Variants in KIAA1958 observed in about 807,000 individuals in gnomAD.
KIAA1958 encodes the protein KIAA1958.
Under a neutral mutation model 47.2 loss-of-function variants are expected in KIAA1958, and 14 were observed. The observed-to-expected ratio is 0.30, with a 90% CI of 0.20 to 0.46. KIAA1958 has a LOEUF of 0.46. Among genes scored for constraint, KIAA1958 ranks in the 20% least tolerant of loss-of-function variants. KIAA1958 has a pLI of 1.00. For synonymous variants in KIAA1958, 354 were observed against 353.3 expected, an observed-to-expected ratio of 1.00 and a Z score of -0.02; for missense variants, 803 against 909.2, an observed-to-expected ratio of 0.88 and a Z score of 1.50.
intron 1 of KIAA1958, among the ~76,000 whole-genome samples, chr9:112,488,815 G>A (rs926133323): frequency 6.6e-6 from 1 of 152,224 alleles, no homozygotes; most frequent in East Asian, 1.9e-4. Context: ...AAAAAGTTTA[G>A]TATGCTTAAA....
intron 1 of KIAA1958, among the ~76,000 whole-genome samples, chr9:112,572,484 T>C (rs1443229826): frequency 6.6e-6 from 1 of 152,208 alleles, no homozygotes; most frequent in African/African-American, 2.4e-5. Flanking sequence ...AGGAAATTAT[T>C]AGGTCTGAGA....
intron 2 of KIAA1958, among the ~76,000 whole-genome samples, chr9:112,624,989 C>T (rs546038952): frequency 3.1e-4 from 46 of 148,672 alleles, no homozygotes; most frequent in African/African-American, 1.0e-3. Flanking sequence ...GAGAACACAA[C>T]CTCAAACAAA....
At chr9:112,627,674 A>G (rs1836640977) in intron 2 of KIAA1958, among the ~76,000 whole-genome samples, 1 of 152,194 alleles carries the variant, frequency 6.6e-6, no homozygotes, top group Non-Finnish European at 1.5e-5. Context: ...GCATTGCTTG[A>G]GCCTGGGAGG....
chr9:112,658,986 C>T lies in KIAA1958; in HGVS notation c.1345-277C>T, dbSNP rs373156339. 1.4e-4 allele frequency among the ~76,000 whole-genome samples: 19 copies of T among 134,748 alleles called. 1 individual carries two copies. Among genetic ancestry groups the T allele is most frequent in the African/African-American group, 4.8e-4 (17 of 35,602 alleles). The allele number at this position is 134,748 out of a possible 152,430, so 88.4% of individuals were successfully genotyped here. Reference sequence around the variant, plus strand: ...AGTGAGCCGAGATCACGCCACTGCACTCCAGCCTGGGCGACAGAGCAAGAC... The same window carrying T: ...AGTGAGCCGAGATCACGCCACTGCATTCCAGCCTGGGCGACAGAGCAAGAC... On this transcript the variant is annotated intron_variant, in intron 3 of 3. Coordinates refer to ENST00000337530, the MANE Select transcript of KIAA1958 (RefSeq NM_133465.4).
chr9:112,617,850 TC>T (rs772492266), intron 2 of KIAA1958: 66 of 1,513,842 alleles, frequency 4.4e-5, no homozygotes, highest in Admixed American at 8.2e-5. Flanking sequence ...TCTCTATCCC[TC>T]CCCCCCCAAT....
intron 1 of KIAA1958, among the ~76,000 whole-genome samples, chr9:112,552,192 C>T (rs1279300463): frequency 6.6e-6 from 1 of 152,182 alleles, no homozygotes; most frequent in Non-Finnish European, 1.5e-5. Flanking sequence ...GTTTGCTTAA[C>T]AATCTGTTAG....
chr9:112,552,899 G>A (rs1362635219), intron 1 of KIAA1958, among the ~76,000 whole-genome samples: 2 of 152,194 alleles, frequency 1.3e-5, no homozygotes, highest in Admixed American at 1.3e-4. Context: ...TTTCTTTGGA[G>A]TAGTGCAGCA....
intron 2 of KIAA1958, among the ~76,000 whole-genome samples, chr9:112,597,657 CAG>C (rs373573477): frequency 6.6e-6 from 1 of 152,318 alleles, no homozygotes; most frequent in African/African-American, 2.4e-5. Context: ...AGATGGAAAT[CAG>C]AGTGTTTAAC....
At chr9:112,600,839 G>C (rs888725029) in intron 2 of KIAA1958, among the ~76,000 whole-genome samples, 10 of 152,168 alleles carry the variant, frequency 6.6e-5, no homozygotes, top group Admixed American at 6.6e-4. Context: ...TTAAAGAGTT[G>C]AACTAGATGA....
chr9:112,561,244 C>T (rs992436342), intron 1 of KIAA1958, among the ~76,000 whole-genome samples: 5 of 151,834 alleles, frequency 3.3e-5, no homozygotes, highest in East Asian at 1.9e-4. Context: ...TTAGTAGAGA[C>T]GGGGTTTCAC....
At chr9:112,558,778 C>T (rs188981381) in intron 1 of KIAA1958, among the ~76,000 whole-genome samples, 14 of 152,272 alleles carry the variant, frequency 9.2e-5, no homozygotes, top group African/African-American at 3.4e-4. Flanking sequence ...AAATGATATA[C>T]ACCGTAGCTT....
chr9:112,563,085 C>CTCTATATATA lies in KIAA1958; in HGVS notation c.-24-10971_-24-10970insCTATATATAT, dbSNP rs10655286. Among the ~76,000 whole-genome samples, 596 of 131,542 alleles carry CTCTATATATA rather than the reference C, an allele frequency of 4.5e-3. 9 individuals are homozygous for CTCTATATATA. In the East Asian group the frequency reaches 0.06, roughly 13 times the overall value. 86.3% of individuals were successfully genotyped at this position (131,542 alleles called of 152,430 possible). On this transcript the variant is annotated intron_variant, in intron 1 of 3. Transcript: ENST00000337530. ...TCTCTGTCTCTCTCTCTCTCTCTCT[C>CTCTATATATA]TATATATATATATAAATTTTTTTTA...
At chr9:112,494,039 G>T (rs530808181) in intron 1 of KIAA1958, among the ~76,000 whole-genome samples, 2 of 152,280 alleles carry the variant, frequency 1.3e-5, no homozygotes, top group East Asian at 3.9e-4. Flanking sequence ...GCAGTGGGCT[G>T]GATTTGGTCC....
chr9:112,595,317 A>G (rs975423342), intron 2 of KIAA1958, among the ~76,000 whole-genome samples: 1 of 152,240 alleles, frequency 6.6e-6, no homozygotes, highest in African/African-American at 2.4e-5. Context: ...ACAGTGATCC[A>G]TTGCGGTGCC....
intron 3 of KIAA1958, among the ~76,000 whole-genome samples, chr9:112,647,170 C>CAAA (rs202239882): frequency 7.4e-6 from 1 of 134,364 alleles, no homozygotes; most frequent in African/African-American, 2.7e-5. Flanking sequence ...TCCATGGGAC[C>CAAA]AAAAAAAAAA....
At chr9:112,513,603 ACCGACCGCAG>A (rs1401457132) in intron 1 of KIAA1958, among the ~76,000 whole-genome samples, 2 of 131,388 alleles carry the variant, frequency 1.5e-5, no homozygotes, top group Non-Finnish European at 3.3e-5. Context: ...CGCTGCCGCG[ACCGACCGCAG>A]CCGCCGCCGC....
At chr9:112,644,479 G>A (rs1208230357) in intron 2 of KIAA1958, among the ~76,000 whole-genome samples, 1 of 152,180 alleles carries the variant, frequency 6.6e-6, no homozygotes, top group African/African-American at 2.4e-5. Flanking sequence ...GAGAGGGTGA[G>A]AACTATTAGA....
At chr9:112,589,275 C>A (rs1243672132) in intron 2 of KIAA1958, among the ~76,000 whole-genome samples, 1 of 152,158 alleles carries the variant, frequency 6.6e-6, no homozygotes, top group Non-Finnish European at 1.5e-5. Context: ...TCTTCTGATG[C>A]CTTGTCTACT....
chr9:112,581,377 G>A (rs900915757), intron 2 of KIAA1958, among the ~76,000 whole-genome samples: 7 of 152,196 alleles, frequency 4.6e-5, no homozygotes, highest in African/African-American at 1.4e-4. Context: ...TCTGTGAGAA[G>A]TGAAGTAGAT....
Sources: gnomAD v4.1 joint callset for allele counts (sites outside exome capture counted in the v4.1 genomes callset) on GRCh38, gnomAD v4.1.1 for gene constraint, MANE v1.5 for transcripts, NCBI Gene and HGNC (gene_info 2026-07-23, HGNC 2026-07-21) for gene names.